Variants in UNC5B observed in about 807,000 individuals in gnomAD.
UNC5B encodes unc-5 netrin receptor B, also known as netrin receptor UNC5B.
Under a neutral mutation model 103.7 loss-of-function variants are expected in UNC5B, and 56 were observed. The observed-to-expected ratio is 0.54, with a 90% CI of 0.44 to 0.67. The LOEUF is 0.67. Among genes scored for constraint, UNC5B ranks in the 30% least tolerant of loss-of-function variants. UNC5B has a pLI of 0.00. For missense variants in UNC5B, 1,194 were observed against 1,284.5 expected (o/e 0.93, Z 1.08); for synonymous variants, 577 against 542.0 (o/e 1.06, Z -0.90).
At chr10:71,291,217 C>T in intron 9 of UNC5B, 108 bp downstream of exon 9, 2 of 1,431,218 alleles carry the variant, frequency 1.4e-6, no homozygotes, top group Non-Finnish European at 1.9e-6. Context: ...AGGGTTTTTC[C>T]AGAGTTTGCT....
chr10:71,275,903 T>C (rs1333033791), intron 1 of UNC5B, among the ~76,000 whole-genome samples: 6 of 151,994 alleles, frequency 3.9e-5, no homozygotes, highest in African/African-American at 1.5e-4. Flanking sequence ...TGGCACCATA[T>C]CTTTGCAAAG....
chr10:71,299,383 C>T lies in UNC5B; in HGVS notation c.*106C>T. ...TTGGCCTCTGCTTCCTCCCAGTTCA[C>T]AGCCAGAGTTGCCTCTCCTCCTCCT... On this transcript the variant is annotated 3_prime_UTR_variant, in exon 17 of 17. Coordinates refer to ENST00000335350, the MANE Select transcript of UNC5B (RefSeq NM_170744.5). 1 of 1,440,060 alleles carries T rather than the reference C, an allele frequency of 6.9e-7. No individual in the cohort carries two copies. Among genetic ancestry groups the T allele is most frequent in the Non-Finnish European group, 9.4e-7 (1 of 1,060,478 alleles). 89.2% of individuals were successfully genotyped at this position (1,440,060 alleles called of 1,614,324 possible). A position where few individuals can be genotyped will look rare whatever the true frequency, so the allele number is the denominator to read the frequency against.
At chr10:71,274,853 C>T (rs748599781) in intron 1 of UNC5B, among the ~76,000 whole-genome samples, 1 of 152,162 alleles carries the variant, frequency 6.6e-6, no homozygotes, top group Non-Finnish European at 1.5e-5. Flanking sequence ...AGGAAAGTGA[C>T]CCTAATTTAA....
intron 8 of UNC5B, among the ~76,000 whole-genome samples, chr10:71,289,447 C>A (rs1480802216): frequency 1.3e-5 from 2 of 152,218 alleles, no homozygotes; most frequent in Non-Finnish European, 1.5e-5. Flanking sequence ...CTGGGCCAAG[C>A]CTCCCAAATT....
At chr10:71,224,953 G>A (rs1007706267) in intron 1 of UNC5B, among the ~76,000 whole-genome samples, 3 of 152,206 alleles carry the variant, frequency 2.0e-5, no homozygotes, top group South Asian at 2.1e-4. Flanking sequence ...GTAAAGCACC[G>A]TGGATACAGT....
chr10:71,213,762 T>TGTGTGTGTGTGTGC lies in UNC5B; in HGVS notation c.79+698_79+699insGTGTGTGTGTGTGC, dbSNP rs1589143066. ...GTGTGTGTGTGTGTGTGTGTGTGTG[T>TGTGTGTGTGTGTGC]TGGATGCGGGTAGGGGTTCTTAGCG... On this transcript the variant is annotated intron_variant, in intron 1 of 16. Transcript: ENST00000335350. This position sits in a 1 kb window ranked among gnomAD's most constrained non-coding sequence, Gnocchi z 4.1. 6.8e-6 allele frequency among the ~76,000 whole-genome samples: 1 copy of TGTGTGTGTGTGTGC among 148,086 alleles called. No homozygotes were observed. Among genetic ancestry groups the TGTGTGTGTGTGTGC allele is most frequent in the Non-Finnish European group, 1.5e-5 (1 of 66,904 alleles).
chr10:71,296,506 C>A, intron 14 of UNC5B, 72 bp from the exon 15 acceptor site: 1 of 1,555,440 alleles, frequency 6.4e-7, no homozygotes, highest in South Asian at 1.2e-5. Flanking sequence ...CCAACCCTCC[C>A]TGAGCCTCCA....
At chr10:71,235,177 C>T (rs1402444528) in intron 1 of UNC5B, among the ~76,000 whole-genome samples, 1 of 152,190 alleles carries the variant, frequency 6.6e-6, no homozygotes, top group Non-Finnish European at 1.5e-5. Context: ...TGCTTTTTTT[C>T]CTCCTTCTTT....
chr10:71,291,477 C>G lies in UNC5B; in HGVS notation c.1340C>G (p.Ala447Gly). The G allele has an allele frequency of 6.2e-7, 1 of 1,613,774 alleles. No homozygotes were observed. The highest frequency in any genetic ancestry group is 8.5e-7 in the Non-Finnish European group (1 of 1,179,800). Residue 447 changes from alanine (A) to glycine (G), a missense_variant, in exon 10 of 17, where the codon GCC (alanine) becomes GGC (glycine). Transcript: ENST00000335350. Reference protein sequence around the residue: ...LHPSVPPDLTASAGIYRGPVY... With the variant: ...LHPSVPPDLTGSAGIYRGPVY... ...CCCTCTGTGCCTCCTGACCTGACAG[C>G]CAGCGCCGGCATCTACCGCGGACCC...
At chr10:71,251,703 G>T (rs1367080971) in intron 1 of UNC5B, among the ~76,000 whole-genome samples, 2 of 152,172 alleles carry the variant, frequency 1.3e-5, no homozygotes, top group Admixed American at 6.5e-5. Flanking sequence ...GGTCTTCTCG[G>T]TCCATATCTG....
chr10:71,285,342 C>G lies in UNC5B; in HGVS notation c.465C>G (p.Phe155Leu). ...YVRIAYLRKN[F>L]DQEPLGKEVP... ...TTCTCCCAGACCTGCGCAAGAACTT[C>G]GATCAGGAGCCTCTGGGCAAGGAGG... The change falls in exon 4 of 17, where the codon TTC becomes TTG. Residue 155 changes from phenylalanine (F) to leucine (L), a missense_variant. Transcript: ENST00000335350. The G allele has an allele frequency of 1.9e-6, 3 of 1,610,934 alleles. No homozygotes were observed. The highest frequency in any genetic ancestry group is 2.5e-6 in the Non-Finnish European group (3 of 1,178,922).
intron 5 of UNC5B, among the ~76,000 whole-genome samples, chr10:71,287,368 G>A (rs74608120): frequency 0.059 from 8,917 of 152,216 alleles, 339 homozygotes; most frequent in South Asian, 0.09. Context: ...CTTCTTTGCC[G>A]TCTTACAATG....
At chr10:71,280,626 T>C (rs536087334) in intron 2 of UNC5B, among the ~76,000 whole-genome samples, 1 of 152,244 alleles carries the variant, frequency 6.6e-6, no homozygotes, top group African/African-American at 2.4e-5. Flanking sequence ...CGAGGAAGCC[T>C]GGGGTCCCTT....
intron 8 of UNC5B, among the ~76,000 whole-genome samples, chr10:71,289,573 A>G (rs1198210676): frequency 6.6e-6 from 1 of 152,258 alleles, no homozygotes; most frequent in Non-Finnish European, 1.5e-5. Context: ...AGGTTGGCCC[A>G]TGGTAATTAA....
At chr10:71,219,401 C>A (rs1163237045) in intron 1 of UNC5B, among the ~76,000 whole-genome samples, 1 of 152,208 alleles carries the variant, frequency 6.6e-6, no homozygotes, top group Non-Finnish European at 1.5e-5. Context: ...CGAAGAACTT[C>A]TAGTCTGATG....
At chr10:71,221,363 C>A (rs1244122556) in intron 1 of UNC5B, among the ~76,000 whole-genome samples, 1 of 152,192 alleles carries the variant, frequency 6.6e-6, no homozygotes, top group Non-Finnish European at 1.5e-5. Context: ...CAAGTGCGCC[C>A]TGCTGAGGGT....
At chr10:71,267,601 G>A (rs1218212711) in intron 1 of UNC5B, among the ~76,000 whole-genome samples, 1 of 152,222 alleles carries the variant, frequency 6.6e-6, no homozygotes, top group Admixed American at 6.5e-5. Flanking sequence ...TTGTGGAACT[G>A]AAGCTTGGTT....
chr10:71,290,668 T>A (rs1481958005), intron 8 of UNC5B, among the ~76,000 whole-genome samples: 1 of 152,184 alleles, frequency 6.6e-6, no homozygotes, highest in African/African-American at 2.4e-5. Flanking sequence ...GGCATGAACA[T>A]GTTTGTTCTT....
At chr10:71,239,380 C>T (rs1016199701) in intron 1 of UNC5B, among the ~76,000 whole-genome samples, 1 of 151,782 alleles carries the variant, frequency 6.6e-6, no homozygotes, top group Non-Finnish European at 1.5e-5. Flanking sequence ...GCCCCAGGCA[C>T]AGGGAGGGAA....
Sources: gnomAD v4.1 joint callset for allele counts (sites outside exome capture counted in the v4.1 genomes callset) on GRCh38, gnomAD v4.1.1 for gene constraint, Gnocchi (gnomAD v3.1) non-coding constraint, MANE v1.5 for transcripts, NCBI Gene and HGNC (gene_info 2026-07-23, HGNC 2026-07-21) for gene names.